SLC2A13: variants seen among roughly 807,000 people sequenced by gnomAD.
The protein encoded by SLC2A13 is solute carrier family 2 member 13.
Under a neutral mutation model 64.4 loss-of-function variants are expected in SLC2A13, and 32 were observed. The observed-to-expected ratio is 0.50, with a 90% CI of 0.37 to 0.67. The LOEUF is 0.67. SLC2A13 is among the 30% of genes least tolerant of loss of function. The pLI is 0.00. For synonymous variants in SLC2A13, 338 were observed against 327.1 expected, an observed-to-expected ratio of 1.03 and a Z score of -0.36; for missense variants, 743 against 829.2, an observed-to-expected ratio of 0.90 and a Z score of 1.28.
intron 7 of SLC2A13, among the ~76,000 whole-genome samples, chr12:39,815,373 T>G (rs929168496): frequency 6.6e-6 from 1 of 152,242 alleles, no homozygotes; most frequent in Admixed American, 6.5e-5. Context: ...TCAAACAGAC[T>G]GGCCTTCTCC....
chr12:39,886,106 T>C (rs1238178961), intron 4 of SLC2A13, among the ~76,000 whole-genome samples: 1 of 152,232 alleles, frequency 6.6e-6, no homozygotes, highest in African/African-American at 2.4e-5. Flanking sequence ...AACAGACCTT[T>C]CAATTGACAG....
intron 6 of SLC2A13, among the ~76,000 whole-genome samples, chr12:39,841,437 G>A (rs1592193928): frequency 1.3e-5 from 2 of 152,072 alleles, no homozygotes; most frequent in African/African-American, 4.8e-5. Context: ...TGCCAAATCT[G>A]TCAACTCCAG....
chr12:39,938,263 GTTA>G (rs1945951779), intron 4 of SLC2A13, among the ~76,000 whole-genome samples: 2 of 152,170 alleles, frequency 1.3e-5, no homozygotes, highest in Admixed American at 1.3e-4. Context: ...GACCTGAGAA[GTTA>G]TTATGTAGCT....
chr12:39,923,599 T>C (rs979685546), intron 4 of SLC2A13, among the ~76,000 whole-genome samples: 1 of 151,782 alleles, frequency 6.6e-6, no homozygotes, highest in Non-Finnish European at 1.5e-5. Flanking sequence ...CACAACATTG[T>C]AAATATACTG....
At chr12:39,786,192 A>G (rs1375487226) in intron 7 of SLC2A13, among the ~76,000 whole-genome samples, 1 of 152,108 alleles carries the variant, frequency 6.6e-6, no homozygotes. Flanking sequence ...CAGAATTCCC[A>G]TGTATTGTGG....
At chr12:39,917,108 A>C (rs1375308408) in intron 4 of SLC2A13, among the ~76,000 whole-genome samples, 1 of 152,146 alleles carries the variant, frequency 6.6e-6, no homozygotes, top group Non-Finnish European at 1.5e-5. Context: ...GGCAGGAGAC[A>C]CCCATCAATC....
At chr12:39,947,877 G>T (rs1419530701) in intron 4 of SLC2A13, among the ~76,000 whole-genome samples, 1 of 151,952 alleles carries the variant, frequency 6.6e-6, no homozygotes, top group African/African-American at 2.4e-5. Context: ...AGCCAGGATG[G>T]TCTCGATCTC....
rs777418112 is a variant in SLC2A13, at chr12:39,895,514, TTATATATATATATATATATA to T, written c.1035-23573_1035-23554del. ...CAAAAAAAAAAAAAAAAAAAAAAAA[TTATATATATATATATATATA>T]TATATATATATATATATACACACAC... is the stretch of plus-strand genomic sequence containing the variant. On this transcript the variant is annotated intron_variant, in intron 4 of 9. Coordinates refer to ENST00000280871, the MANE Select transcript of SLC2A13 (RefSeq NM_052885.4). Among the ~76,000 whole-genome samples the T allele has an allele frequency of 7.8e-4, 44 of 56,654 alleles. 3 individuals are homozygous for T. Among genetic ancestry groups the T allele is most frequent in the African/African-American group, 3.1e-3 (40 of 13,090 alleles). 37.2% of individuals were successfully genotyped at this position (56,654 alleles called of 152,430 possible). A position where few individuals can be genotyped will look rare whatever the true frequency, so the allele number is the denominator to read the frequency against.
At chr12:39,964,688 T>TG (rs1946476160) in intron 3 of SLC2A13, among the ~76,000 whole-genome samples, 1 of 152,196 alleles carries the variant, frequency 6.6e-6, no homozygotes. Flanking sequence ...CACAGGGTCC[T>TG]GGAGGTCACA....
At chr12:40,076,033 C>T (rs546995078) in intron 1 of SLC2A13, among the ~76,000 whole-genome samples, 3 of 152,284 alleles carry the variant, frequency 2.0e-5, no homozygotes, top group African/African-American at 7.2e-5. Context: ...GTGATAAATC[C>T]ACCATCTGGG....
intron 3 of SLC2A13, among the ~76,000 whole-genome samples, chr12:39,965,774 C>T (rs952191415): frequency 3.3e-5 from 5 of 152,042 alleles, no homozygotes; most frequent in African/African-American, 1.2e-4. Flanking sequence ...GATTTGAAGG[C>T]AAACCTATGA....
intron 7 of SLC2A13, among the ~76,000 whole-genome samples, chr12:39,767,853 T>A (rs1940417632): frequency 6.6e-6 from 1 of 152,068 alleles, no homozygotes; most frequent in Non-Finnish European, 1.5e-5. Context: ...GCACTTCTCC[T>A]TCCTGTCGCC....
At chr12:39,909,986 G>T (rs1945390295) in intron 4 of SLC2A13, among the ~76,000 whole-genome samples, 1 of 151,526 alleles carries the variant, frequency 6.6e-6, no homozygotes, top group South Asian at 2.1e-4. Context: ...ATAAATCATA[G>T]ATATCTTTTT....
intron 7 of SLC2A13, among the ~76,000 whole-genome samples, chr12:39,786,974 T>A (rs887025457): frequency 1.6e-5 from 2 of 124,742 alleles, no homozygotes; most frequent in African/African-American, 6.1e-5. Context: ...TGGGCATATT[T>A]TCTGTGTTTT....
intron 7 of SLC2A13, among the ~76,000 whole-genome samples, chr12:39,800,326 T>C (rs994198932): frequency 1.1e-4 from 16 of 152,276 alleles, no homozygotes; most frequent in Middle Eastern, 6.8e-3. Flanking sequence ...CAAGGGGGGA[T>C]TGAATTCGCA....
At chr12:40,059,870 A>G (rs1948390149) in intron 1 of SLC2A13, among the ~76,000 whole-genome samples, 1 of 152,066 alleles carries the variant, frequency 6.6e-6, no homozygotes, top group Non-Finnish European at 1.5e-5. Context: ...TGCTCTCTGG[A>G]CTGGGGGCCT....
chr12:40,047,423 A>G (rs1242728524), intron 2 of SLC2A13, among the ~76,000 whole-genome samples: 1 of 152,230 alleles, frequency 6.6e-6, no homozygotes, highest in Admixed American at 6.5e-5. Context: ...GAACAGTTAC[A>G]TGAGTACTAT....
intron 6 of SLC2A13, among the ~76,000 whole-genome samples, chr12:39,862,594 C>T (rs950658567): frequency 6.6e-6 from 1 of 152,160 alleles, no homozygotes; most frequent in Non-Finnish European, 1.5e-5. Flanking sequence ...ACGGATCACT[C>T]CATGGGGAAA....
chr12:40,015,128 A>T (rs1218211146), intron 3 of SLC2A13, among the ~76,000 whole-genome samples: 1 of 152,162 alleles, frequency 6.6e-6, no homozygotes, highest in Non-Finnish European at 1.5e-5. Context: ...CTGAGTACTT[A>T]AGACTATCAG....
Sources: allele counts gnomAD v4.1 joint callset (sites outside exome capture counted in the v4.1 genomes callset), GRCh38; gene constraint gnomAD v4.1.1; transcripts MANE v1.5; gene names NCBI Gene and HGNC (gene_info 2026-07-23, HGNC 2026-07-21).